The following SNAP91 variants were observed in gnomAD, a reference collection of about 807,000 sequenced individuals.
SNAP91 encodes the protein synaptosome associated protein 91.
Under a neutral mutation model 100.3 loss-of-function variants are expected in SNAP91, and 27 were observed. The observed-to-expected ratio is 0.27, with a 90% CI of 0.20 to 0.37. The LOEUF is 0.37. SNAP91 is among the 10% of genes least tolerant of loss of function. SNAP91 has a pLI of 1.00. For synonymous variants in SNAP91, 404 were observed against 398.6 expected, an observed-to-expected ratio of 1.01 and a Z score of -0.16; for missense variants, 986 against 1,123.7, an observed-to-expected ratio of 0.88 and a Z score of 1.75.
chr6:83,661,549 A>C lies in SNAP91; in HGVS notation c.405T>G (p.Ala135=), dbSNP rs973422401. The change falls in exon 5 of 30, where the codon GCT becomes GCG. Residue 135 remains alanine, a synonymous_variant. Coordinates refer to ENST00000369694, the MANE Select transcript of SNAP91 (RefSeq NM_001242792.2). ...CAAAGGCCATCTGTCTGTAAGAAAA[A>C]GCCTTTTCATTCAAATATCTACTAT... The part of the protein sequence containing the change: ...RRYSRYLNEK[A]FSYRQMAFDF... 23 of 1,611,466 alleles carry C rather than the reference A, an allele frequency of 1.4e-5. No individual in the cohort carries two copies. The highest frequency in any genetic ancestry group is 2.0e-5 in the Non-Finnish European group (23 of 1,178,840).
chr6:83,621,900 G>A (rs2096743095), intron 9 of SNAP91, among the ~76,000 whole-genome samples: 1 of 151,964 alleles, frequency 6.6e-6, no homozygotes, highest in Admixed American at 6.6e-5. Flanking sequence ...TGTCTTAAAA[G>A]TTAACATGTA....
At chr6:83,590,345 G>GCA (rs2093556168) in intron 22 of SNAP91, among the ~76,000 whole-genome samples, 1 of 152,146 alleles carries the variant, frequency 6.6e-6, no homozygotes, top group Non-Finnish European at 1.5e-5. Flanking sequence ...CTATCACTAA[G>GCA]CACACACTTT....
chr6:83,567,789 A>G (rs1016334126), intron 26 of SNAP91, among the ~76,000 whole-genome samples: 8 of 152,226 alleles, frequency 5.3e-5, no homozygotes, highest in African/African-American at 1.7e-4. Flanking sequence ...AATCAAAACC[A>G]CAATGAGATA....
chr6:83,690,120 C>T, intron 2 of SNAP91: 1 of 242,178 alleles, frequency 4.1e-6, no homozygotes, highest in Non-Finnish European at 6.7e-6. Context: ...TGTATAAACA[C>T]AGGATAAAAG....
intron 28 of SNAP91, among the ~76,000 whole-genome samples, chr6:83,556,645 T>A (rs1437208701): frequency 4.6e-5 from 7 of 152,126 alleles, no homozygotes; most frequent in Admixed American, 4.6e-4. Context: ...ACTAGTAACA[T>A]AAAGATATTA....
rs1418752732 is a variant in SNAP91 at position 83,709,005 on chromosome 6, C to T, written c.-191G>A. The T allele has an allele frequency of 1.3e-5, 2 of 152,178 alleles. No individual in the cohort carries two copies. The highest frequency in any genetic ancestry group is 2.1e-4 in the South Asian group (1 of 4,860). 9.4% of individuals were successfully genotyped at this position (152,178 alleles called of 1,614,324 possible). Reference sequence around the variant, plus strand: ...CCGCTCCTCAGCTCCGCGGTCCCGGCGCCCACCGCCCCTGGCCCCTGGCCC... The same window carrying T: ...CCGCTCCTCAGCTCCGCGGTCCCGGTGCCCACCGCCCCTGGCCCCTGGCCC... On this transcript the variant is annotated 5_prime_UTR_variant, in exon 1 of 30. Transcript: ENST00000369694.
At chr6:83,640,635 TTC>T (rs1562467973) in intron 8 of SNAP91, among the ~76,000 whole-genome samples, 1 of 152,162 alleles carries the variant, frequency 6.6e-6, no homozygotes, top group East Asian at 1.9e-4. Context: ...AAATTATGCT[TTC>T]TGTCTTATTT....
chr6:83,601,532 G>A (rs1183373317), intron 15 of SNAP91, 53 bp downstream of exon 15: 1 of 1,611,194 alleles, frequency 6.2e-7, no homozygotes, highest in Non-Finnish European at 8.5e-7. Context: ...AAGGACAGTT[G>A]TTACATACAG....
intron 5 of SNAP91, among the ~76,000 whole-genome samples, 151 bp from the exon 6 acceptor site, chr6:83,659,243 C>T (rs1454012979): frequency 1.3e-5 from 2 of 152,018 alleles, no homozygotes; most frequent in Admixed American, 6.6e-5. Context: ...GTAGTCATTT[C>T]CCCCCTCTAT....
chr6:83,586,132 G>C (rs781234579), intron 22 of SNAP91, among the ~76,000 whole-genome samples: 1 of 152,200 alleles, frequency 6.6e-6, no homozygotes, highest in Non-Finnish European at 1.5e-5. Context: ...ATATAGGCAT[G>C]AGCCACCGTG....
chr6:83,625,239 C>T (rs1292261183), intron 8 of SNAP91, among the ~76,000 whole-genome samples: 1 of 152,072 alleles, frequency 6.6e-6, no homozygotes, highest in African/African-American at 2.4e-5. Flanking sequence ...TTTATGGCTG[C>T]ATAGTATTCC....
chr6:83,601,870 T>C (rs145667306), intron 14 of SNAP91, among the ~76,000 whole-genome samples: 13 of 152,322 alleles, frequency 8.5e-5, no homozygotes, highest in African/African-American at 3.1e-4. Context: ...ACAAAACTAC[T>C]TGTGCTGTAG....
intron 9 of SNAP91, among the ~76,000 whole-genome samples, chr6:83,619,833 A>G (rs997212193): frequency 1.1e-4 from 16 of 152,240 alleles, no homozygotes; most frequent in Non-Finnish European, 1.9e-4. Flanking sequence ...GCTCCAAAAG[A>G]AAGCATCCAT....
At chr6:83,664,577 A>C (rs2098638889) in intron 3 of SNAP91, among the ~76,000 whole-genome samples, 1 of 152,136 alleles carries the variant, frequency 6.6e-6, no homozygotes, top group East Asian at 1.9e-4. Flanking sequence ...GAATTGCTAT[A>C]ATCTCATGAT....
At chr6:83,621,357 A>G (rs1293740519) in intron 9 of SNAP91, among the ~76,000 whole-genome samples, 3 of 152,172 alleles carry the variant, frequency 2.0e-5, no homozygotes, top group African/African-American at 7.2e-5. Context: ...AAATGTTAAT[A>G]TTGAAATTTA....
chr6:83,651,483 T>G (rs949578698), intron 7 of SNAP91, among the ~76,000 whole-genome samples: 4 of 152,202 alleles, frequency 2.6e-5, no homozygotes, highest in Non-Finnish European at 5.9e-5. Flanking sequence ...ACATTTCTCT[T>G]GAGCTTTCTT....
At chr6:83,594,675 G>GC (rs2094252711) in intron 16 of SNAP91, 194 bp from the exon 17 acceptor site, 1 of 495,444 alleles carries the variant, frequency 2.0e-6, no homozygotes, top group South Asian at 3.2e-5. Flanking sequence ...TAGTTAACAT[G>GC]CAAGTGATAC....
At chr6:83,630,162 T>C (rs1355079660) in intron 8 of SNAP91, among the ~76,000 whole-genome samples, 1 of 152,172 alleles carries the variant, frequency 6.6e-6, no homozygotes. Context: ...TTTATTGACT[T>C]GCATATGTTA....
At chr6:83,699,461 A>G (rs569069241) in intron 2 of SNAP91, among the ~76,000 whole-genome samples, 3 of 152,340 alleles carry the variant, frequency 2.0e-5, no homozygotes, top group Non-Finnish European at 4.4e-5. Context: ...TTAATGAACT[A>G]GAAGGTATCT....
Sources: allele counts gnomAD v4.1 joint callset (sites outside exome capture counted in the v4.1 genomes callset), GRCh38; gene constraint gnomAD v4.1.1; transcripts MANE v1.5; gene names NCBI Gene and HGNC (gene_info 2026-07-23, HGNC 2026-07-21).